CNTN6: variants seen among roughly 807,000 people sequenced by gnomAD.
The protein encoded by CNTN6 is contactin 6.
Under a neutral mutation model 122.8 loss-of-function variants are expected in CNTN6, and 137 were observed. That is an observed-to-expected ratio of 1.12 (90% CI 0.97 to 1.29). The LOEUF (loss-of-function observed/expected upper bound fraction) is 1.29, where lower values mean the gene tolerates loss of function less well. CNTN6 is among the 50% of genes most tolerant of loss of function. The pLI is 0.00. For synonymous variants in CNTN6, 570 were observed against 426.0 expected, an observed-to-expected ratio of 1.34 and a Z score of -4.16; for missense variants, 1,634 against 1,223.4, an observed-to-expected ratio of 1.34 and a Z score of -5.01.
At chr3:1,169,246 G>A (rs891281274) in intron 2 of CNTN6, among the ~76,000 whole-genome samples, 1 of 152,202 alleles carries the variant, frequency 6.6e-6, no homozygotes, top group African/African-American at 2.4e-5. Flanking sequence ...CAGATTAAAT[G>A]TTCTTTCTAA....
intron 4 of CNTN6, among the ~76,000 whole-genome samples, chr3:1,245,934 AATCTCAT>A (rs1194647045): frequency 6.6e-6 from 1 of 152,112 alleles, no homozygotes; most frequent in Non-Finnish European, 1.5e-5. Context: ...ATTGCAAAAA[AATCTCAT>A]AACGTTTTAA....
At chr3:1,394,805 T>C (rs1694782613) in intron 20 of CNTN6, among the ~76,000 whole-genome samples, 1 of 152,174 alleles carries the variant, frequency 6.6e-6, no homozygotes, top group Non-Finnish European at 1.5e-5. Context: ...TGCTAAAGAT[T>C]ATTGGTTTGT....
At chr3:1,320,201 G>A (rs1449855941) in intron 7 of CNTN6, among the ~76,000 whole-genome samples, 3 of 151,588 alleles carry the variant, frequency 2.0e-5, no homozygotes. Context: ...TTTACTTAAG[G>A]CAATTCAAAA....
rs80005095 is a variant in CNTN6 at position 1,112,687 on chromosome 3, G to A, written c.-83+19567G>A. 3.3e-3 allele frequency among the ~76,000 whole-genome samples: 502 copies of A among 152,118 alleles called. 1 individual carries two copies. Among genetic ancestry groups the A allele is most frequent in the Non-Finnish European group, 4.6e-3 (315 of 67,976 alleles). On this transcript the variant is annotated intron_variant, in intron 1 of 22. Transcript: ENST00000446702. ...CTTCTGGAAATGTCCTTGCAGACACGCCCAAAAATAATGCTTCACTAGTTC... is the reference window on the plus strand; with the variant it reads ...CTTCTGGAAATGTCCTTGCAGACACACCCAAAAATAATGCTTCACTAGTTC...
intron 3 of CNTN6, among the ~76,000 whole-genome samples, chr3:1,224,235 G>A (rs1341130238): frequency 6.6e-6 from 1 of 152,112 alleles, no homozygotes; most frequent in East Asian, 1.9e-4. Flanking sequence ...GAAGTAGAGT[G>A]TAGAATGGAG....
chr3:1,097,732 T>G (rs189244719), intron 1 of CNTN6, among the ~76,000 whole-genome samples: 1 of 152,150 alleles, frequency 6.6e-6, no homozygotes, highest in Non-Finnish European at 1.5e-5. Context: ...GGTAAATATG[T>G]AAAAAATCTT....
chr3:1,221,209 A>G (rs1010320188), intron 3 of CNTN6, among the ~76,000 whole-genome samples: 1 of 152,140 alleles, frequency 6.6e-6, no homozygotes, highest in South Asian at 2.1e-4. Flanking sequence ...AGCAAGTAAC[A>G]CAGGAAGCCA....
chr3:1,258,802 C>G (rs1336961716), intron 4 of CNTN6, among the ~76,000 whole-genome samples: 5 of 152,046 alleles, frequency 3.3e-5, no homozygotes, highest in Non-Finnish European at 5.9e-5. Context: ...CTTCCATTTT[C>G]TTTTCTCAGA....
At chr3:1,142,799 C>G (rs532992414) in intron 1 of CNTN6, among the ~76,000 whole-genome samples, 1 of 151,930 alleles carries the variant, frequency 6.6e-6, no homozygotes, top group African/African-American at 2.4e-5. Context: ...CTATGGTTTC[C>G]TGACCCTTGT....
At chr3:1,117,890 A>G (rs1257618521) in intron 1 of CNTN6, among the ~76,000 whole-genome samples, 1 of 152,152 alleles carries the variant, frequency 6.6e-6, no homozygotes, top group Non-Finnish European at 1.5e-5. Flanking sequence ...CTACAGAGAA[A>G]CTGAGCTTCA....
At chr3:1,151,372 G>C (rs1206360286) in intron 2 of CNTN6, among the ~76,000 whole-genome samples, 1 of 152,116 alleles carries the variant, frequency 6.6e-6, no homozygotes, top group African/African-American at 2.4e-5. Context: ...CTGTTAGTCT[G>C]GTTCATTCCT....
chr3:1,265,337 A>G (rs1248462459), intron 4 of CNTN6, among the ~76,000 whole-genome samples: 2 of 152,180 alleles, frequency 1.3e-5, no homozygotes, highest in Non-Finnish European at 2.9e-5. Flanking sequence ...ATCAGTGTCC[A>G]GGTAATTCCA....
intron 2 of CNTN6, among the ~76,000 whole-genome samples, chr3:1,220,423 A>T (rs1285288673): frequency 2.0e-5 from 3 of 152,130 alleles, no homozygotes; most frequent in African/African-American, 7.2e-5. Context: ...GAGCTGAATC[A>T]ATGTTAATTT....
At chr3:1,387,056 C>A (rs1344722776) in intron 20 of CNTN6, among the ~76,000 whole-genome samples, 1 of 152,164 alleles carries the variant, frequency 6.6e-6, no homozygotes, top group East Asian at 1.9e-4. Flanking sequence ...ATCATTGACT[C>A]ACAACTTGAA....
At chr3:1,199,600 T>C (rs2093831009) in intron 2 of CNTN6, among the ~76,000 whole-genome samples, 1 of 152,180 alleles carries the variant, frequency 6.6e-6, no homozygotes, top group Non-Finnish European at 1.5e-5. Context: ...CCATGAAATA[T>C]ATTGCAATTA....
chr3:1,357,350 T>G (rs1406786420), intron 12 of CNTN6, among the ~76,000 whole-genome samples: 1 of 151,916 alleles, frequency 6.6e-6, no homozygotes, highest in African/African-American at 2.4e-5. Context: ...CTAACTAACG[T>G]GGAACTTGAC....
intron 1 of CNTN6, among the ~76,000 whole-genome samples, chr3:1,118,345 A>G (rs1203509680): frequency 6.6e-6 from 1 of 152,162 alleles, no homozygotes; most frequent in Non-Finnish European, 1.5e-5. Flanking sequence ...TATGACCTGT[A>G]CGGAATAGTA....
rs867084316 is a variant in CNTN6 at position 1,175,614 on chromosome 3, C to G, written c.55+27551C>G. ...TAAAACAATATGAAGTTATTAAAGA[C>G]TTTCTAGCTGCAAGAGGGCAGTAGA... On this transcript the variant is annotated intron_variant, in intron 2 of 22. Coordinates refer to ENST00000446702, the MANE Select transcript of CNTN6 (RefSeq NM_001289080.2). Among the ~76,000 whole-genome samples the G allele has an allele frequency of 3.3e-5, 5 of 152,260 alleles. No homozygotes were observed. In the South Asian group the frequency reaches 1.0e-3, roughly 32 times the overall value.
chr3:1,249,235 G>A (rs1476540884), intron 4 of CNTN6, among the ~76,000 whole-genome samples: 1 of 152,108 alleles, frequency 6.6e-6, no homozygotes, highest in Non-Finnish European at 1.5e-5. Flanking sequence ...AAAACAAATG[G>A]TAATTGGTAT....
Sources: allele counts gnomAD v4.1 joint callset (sites outside exome capture counted in the v4.1 genomes callset), GRCh38; gene constraint gnomAD v4.1.1; transcripts MANE v1.5; gene names NCBI Gene and HGNC (gene_info 2026-07-23, HGNC 2026-07-21).